Variants in SPATA33 observed in about 807,000 individuals in gnomAD.
SPATA33 encodes the protein spermatogenesis-associated protein 33.
In SPATA33, 10 loss-of-function variants were observed where a neutral mutation model predicts 8.9. The observed-to-expected ratio is 1.12, with a 90% CI of 0.69 to 1.90. SPATA33 has a LOEUF of 1.90. SPATA33 is among the 40% of genes most tolerant of loss of function. The pLI is 0.00. For synonymous variants in SPATA33, 96 were observed against 72.8 expected, an observed-to-expected ratio of 1.32 and a Z score of -1.63; for missense variants, 241 against 178.3, an observed-to-expected ratio of 1.35 and a Z score of -2.00.
At chr16:89,667,767 A>G (rs1597808207) in intron 2 of SPATA33, among the ~76,000 whole-genome samples, 2 of 152,176 alleles carry the variant, frequency 1.3e-5, no homozygotes, top group Non-Finnish European at 2.9e-5. Context: ...GCAGAGGGGG[A>G]GGCCAAGGCC....
chr16:89,667,780 A>G (rs2060045836), intron 2 of SPATA33, among the ~76,000 whole-genome samples: 1 of 151,960 alleles, frequency 6.6e-6, no homozygotes, highest in Non-Finnish European at 1.5e-5. Flanking sequence ...CCAAGGCCTG[A>G]ATACCCCGTC....
chr16:89,663,238 T>C (rs2059986182), intron 2 of SPATA33, among the ~76,000 whole-genome samples: 1 of 144,550 alleles, frequency 6.9e-6, no homozygotes, highest in South Asian at 2.3e-4. Context: ...TATGATTCCA[T>C]TTCTTTTTTT....
intron 2 of SPATA33, among the ~76,000 whole-genome samples, chr16:89,662,255 C>T (rs2059974454): frequency 6.6e-6 from 1 of 150,852 alleles, no homozygotes; most frequent in African/African-American, 2.4e-5. Flanking sequence ...GATCATCCCA[C>T]TGCACTCCAG....
At chr16:89,669,193 A>T in intron 2 of SPATA33, 93 bp from the exon 3 acceptor site, 1 of 1,190,768 alleles carries the variant, frequency 8.4e-7, no homozygotes, top group Non-Finnish European at 1.2e-6. Flanking sequence ...CATACATCTT[A>T]ATTCCTTTAC....
chr16:89,663,217 G>C (rs984232952), intron 2 of SPATA33, among the ~76,000 whole-genome samples: 3 of 151,550 alleles, frequency 2.0e-5, no homozygotes, highest in African/African-American at 7.3e-5. Flanking sequence ...ATCCCAGAAG[G>C]TCACATGCTG....
chr16:89,669,244 T>C (rs772982340), intron 2 of SPATA33, 42 bp from the exon 3 acceptor site: 18 of 1,572,372 alleles, frequency 1.1e-5, no homozygotes, highest in Non-Finnish European at 7.9e-6. Flanking sequence ...TGGAAGGAGC[T>C]TTCCACACAT....
intron 2 of SPATA33, among the ~76,000 whole-genome samples, chr16:89,667,259 A>G (rs1161436998): frequency 6.6e-6 from 1 of 151,942 alleles, no homozygotes; most frequent in Non-Finnish European, 1.5e-5. Flanking sequence ...AAAGGCTCAC[A>G]CTCTTGTCTT....
intron 2 of SPATA33, among the ~76,000 whole-genome samples, chr16:89,666,700 A>G (rs2060030685): frequency 1.3e-5 from 2 of 152,126 alleles, no homozygotes; most frequent in Admixed American, 6.5e-5. Flanking sequence ...GGCTGCACTG[A>G]TATTTATTGG....
intron 2 of SPATA33, chr16:89,661,146 A>C (rs1383878163): frequency 2.0e-6 from 2 of 985,360 alleles, no homozygotes; most frequent in East Asian, 2.3e-4. Context: ...AGAAGAACAG[A>C]AGGGCCATGA....
chr16:89,658,449 G>A (rs2151522657), intron 2 of SPATA33, 28 bp downstream of exon 2: 5 of 1,572,342 alleles, frequency 3.2e-6, no homozygotes, highest in East Asian at 2.3e-5. Flanking sequence ...GGAGCGAAGC[G>A]AGGTCAGTGG....
At chr16:89,662,251 C>T (rs999582500) in intron 2 of SPATA33, among the ~76,000 whole-genome samples, 1 of 151,600 alleles carries the variant, frequency 6.6e-6, no homozygotes, top group Non-Finnish European at 1.5e-5. Flanking sequence ...CCACGATCAT[C>T]CCACTGCACT....
At chr16:89,669,125 C>G (rs1462380346) in intron 2 of SPATA33, among the ~76,000 whole-genome samples, 161 bp from the exon 3 acceptor site, 1 of 152,196 alleles carries the variant, frequency 6.6e-6, no homozygotes, top group East Asian at 1.9e-4. Flanking sequence ...CCCTTAAGCC[C>G]TGTAATGTTC....
At chr16:89,667,790 CT>C (rs2060046060) in intron 2 of SPATA33, among the ~76,000 whole-genome samples, 1 of 152,068 alleles carries the variant, frequency 6.6e-6, no homozygotes, top group Non-Finnish European at 1.5e-5. Flanking sequence ...AATACCCCGT[CT>C]GACTAGCCTT....
At chr16:89,665,480 A>ATTT (rs1555513075) in intron 2 of SPATA33, among the ~76,000 whole-genome samples, 1 of 137,456 alleles carries the variant, frequency 7.3e-6, no homozygotes, top group South Asian at 2.3e-4. Flanking sequence ...AATTTTTTGT[A>ATTT]TTTTTTTTTT....
At chr16:89,660,681 A>G in intron 2 of SPATA33, 1 of 823,280 alleles carries the variant, frequency 1.2e-6, no homozygotes, top group East Asian at 3.4e-5. Flanking sequence ...AATGTCCAGA[A>G]AAGGCACATT....
At chr16:89,660,390 G>A in intron 2 of SPATA33, 2 of 1,063,280 alleles carry the variant, frequency 1.9e-6, no homozygotes, top group Non-Finnish European at 2.4e-6. Flanking sequence ...ACGGAAGTGG[G>A]GGAAGGAGGA....
At chr16:89,660,803 TG>T in intron 2 of SPATA33, 1 of 1,065,192 alleles carries the variant, frequency 9.4e-7, no homozygotes, top group Non-Finnish European at 1.2e-6. Context: ...AATCTGAACA[TG>T]GGAAGCACTG....
intron 2 of SPATA33, chr16:89,661,552 A>G (rs2059966507): frequency 6.6e-6 from 1 of 152,204 alleles, no homozygotes; most frequent in African/African-American, 2.4e-5. Flanking sequence ...AAAACGGACT[A>G]ATACAGATAG....
chr16:89,658,221 GT>G (rs1271639326), intron 1 of SPATA33, 26 bp from the exon 2 acceptor site: 1 of 1,613,348 alleles, frequency 6.2e-7, no homozygotes, highest in Non-Finnish European at 8.5e-7. Context: ...TAAGTCCCGG[GT>G]CTAACGGATG....
Sources: allele counts gnomAD v4.1 joint callset (sites outside exome capture counted in the v4.1 genomes callset), GRCh38; gene constraint gnomAD v4.1.1; transcripts MANE v1.5; gene names NCBI Gene and HGNC (gene_info 2026-07-23, HGNC 2026-07-21).